MTUS2: variants seen among roughly 807,000 people sequenced by gnomAD.
MTUS2 encodes microtubule associated scaffold protein 2.
In MTUS2, 40 loss-of-function variants were observed where a neutral mutation model predicts 114.1. The observed-to-expected ratio is 0.35, with a 90% CI of 0.27 to 0.46. MTUS2 has a LOEUF of 0.46. Ranked by LOEUF, MTUS2 falls within the 20% of genes least tolerant of loss-of-function variation. MTUS2 has a pLI of 1.00. For missense variants in MTUS2, 1,679 were observed against 1,705.4 expected (o/e 0.98, Z 0.27); for synonymous variants, 688 against 672.0 (o/e 1.02, Z -0.37).
At chr13:29,359,505 A>G (rs758297837) in intron 8 of MTUS2, 32 bp downstream of exon 8, 9 of 1,586,190 alleles carry the variant, frequency 5.7e-6, no homozygotes, top group African/African-American at 2.7e-5. Flanking sequence ...GTCCAAGGGC[A>G]TTTTGGTTGG....
At chr13:29,021,402 T>C (rs1886286075) in intron 2 of MTUS2, among the ~76,000 whole-genome samples, 2 of 152,252 alleles carry the variant, frequency 1.3e-5, no homozygotes, top group South Asian at 4.1e-4. Context: ...ATGTAGTTCC[T>C]TAAAAATTAA....
chr13:28,893,194 G>A, intron 2 of MTUS2, among the ~76,000 whole-genome samples: 1 of 152,204 alleles, frequency 6.6e-6, no homozygotes, highest in Non-Finnish European at 1.5e-5. Context: ...TGATGTATCA[G>A]AGCTGTAGGC....
chr13:29,183,449 G>A (rs559139422), intron 5 of MTUS2, among the ~76,000 whole-genome samples: 1 of 152,278 alleles, frequency 6.6e-6, no homozygotes, highest in Non-Finnish European at 1.5e-5. Context: ...TTATCTATTA[G>A]ACTTCTAAAT....
At chr13:28,932,117 T>G (rs921505311) in intron 2 of MTUS2, among the ~76,000 whole-genome samples, 1 of 152,152 alleles carries the variant, frequency 6.6e-6, no homozygotes, top group East Asian at 1.9e-4. Context: ...CAACAGAGAA[T>G]CCCATATAAG....
At chr13:28,833,257 T>C (rs1188800709) in intron 1 of MTUS2, among the ~76,000 whole-genome samples, 1 of 152,060 alleles carries the variant, frequency 6.6e-6, no homozygotes, top group Non-Finnish European at 1.5e-5. Flanking sequence ...GCCAAAGACA[T>C]CACAAGAAAA....
In MTUS2 at chr13:29,025,111, T is replaced by A. The variant is rs1886456972; in HGVS notation, c.413T>A (p.Val138Glu). The A allele has an allele frequency of 3.7e-6, 6 of 1,613,718 alleles. No homozygotes were observed. The highest frequency in any genetic ancestry group is 5.1e-6 in the Non-Finnish European group (6 of 1,179,866). The change falls in exon 3 of 16, where the codon GTG becomes GAG. Residue 138 changes from valine (V) to glutamate (E), a missense_variant. Physicochemically the swap from Val to Glu is moderately radical, Grantham distance 121 (BLOSUM62 -2). This residue lies in a region of MTUS2 where 843 missense variants were observed against 770.8 expected (regional missense o/e 1.09). Coordinates refer to ENST00000612955, the MANE Select transcript of MTUS2 (RefSeq NM_001033602.4). ...CCAAGTCTGTCGAGTTGGAGGAATG[T>A]GATGAGTGAGGCCAGTCTAGACGTT... ...QGPSLSSWRNVMSEASLDVLA... is the reference protein window; with the variant it reads ...QGPSLSSWRNEMSEASLDVLA...
chr13:29,375,625 ATATATATATATATACACAC>A (rs1871646849), intron 8 of MTUS2, among the ~76,000 whole-genome samples: 1 of 8,970 alleles, frequency 1.1e-4, no homozygotes, highest in African/African-American at 1.9e-4. Context: ...ATATATATAT[ATATATATATATATACACAC>A]ACCATGAAAT....
chr13:29,344,286 A>AT (rs2138137144), intron 7 of MTUS2, among the ~76,000 whole-genome samples: 1 of 151,866 alleles, frequency 6.6e-6, no homozygotes, highest in African/African-American at 2.4e-5. Context: ...ATCTTACCTC[A>AT]TTTTTTTAGG....
chr13:29,348,874 T>C (rs1263811953), intron 7 of MTUS2, among the ~76,000 whole-genome samples: 1 of 152,196 alleles, frequency 6.6e-6, no homozygotes, highest in Admixed American at 6.5e-5. Context: ...CACTTCAGCT[T>C]TCTCTTAGTT....
At chr13:28,911,136 A>T (rs1261103635) in intron 2 of MTUS2, among the ~76,000 whole-genome samples, 2 of 149,970 alleles carry the variant, frequency 1.3e-5, no homozygotes, top group Non-Finnish European at 3.0e-5. Flanking sequence ...TGGCCTCCCA[A>T]AGTGCTGGGA....
intron 1 of MTUS2, among the ~76,000 whole-genome samples, chr13:28,831,581 A>G (rs1008060363): frequency 1.4e-4 from 22 of 152,208 alleles, no homozygotes; most frequent in Admixed American, 2.6e-4. Context: ...AAAGGGATCA[A>G]TTTCTCAGGA....
intron 4 of MTUS2, among the ~76,000 whole-genome samples, chr13:29,051,786 C>T (rs1167272821): frequency 1.3e-5 from 2 of 152,162 alleles, no homozygotes; most frequent in Non-Finnish European, 2.9e-5. Flanking sequence ...TAAGTGGAGT[C>T]ATGGAGACCA....
At chr13:28,859,761 G>T (rs1876858056) in intron 2 of MTUS2, among the ~76,000 whole-genome samples, 1 of 152,098 alleles carries the variant, frequency 6.6e-6, no homozygotes, top group Admixed American at 6.5e-5. Flanking sequence ...CAGGAGAAAG[G>T]GTAGAATATG....
At chr13:28,951,995 G>A (rs890454823) in intron 2 of MTUS2, among the ~76,000 whole-genome samples, 8 of 151,994 alleles carry the variant, frequency 5.3e-5, no homozygotes, top group Non-Finnish European at 1.0e-4. Flanking sequence ...CAGCATGCCC[G>A]CATAACCCAT....
chr13:28,957,512 T>C (rs1883127029), intron 2 of MTUS2, among the ~76,000 whole-genome samples: 2 of 152,264 alleles, frequency 1.3e-5, no homozygotes, highest in African/African-American at 4.8e-5. Flanking sequence ...TTCTTGTCAC[T>C]CTTTCTTAAA....
rs112029719 is a variant in MTUS2 at position 29,279,339 on chromosome 13, G to A, written c.2645-2365G>A. ...TTCCTGGGTTGTTCAGGCTGGAGTCGGTTCAGATTGGTTGGGAATGAAAAG... is the reference window on the plus strand; with the variant it reads ...TTCCTGGGTTGTTCAGGCTGGAGTCAGTTCAGATTGGTTGGGAATGAAAAG... On this transcript the variant is annotated intron_variant, in intron 5 of 15. Transcript: ENST00000612955. Among the ~76,000 whole-genome samples, 37 of 152,204 alleles carry A rather than the reference G, an allele frequency of 2.4e-4. No individual in the cohort carries two copies. The East Asian group carries it at 2.5e-3, about 10-fold the overall frequency.
intron 5 of MTUS2, among the ~76,000 whole-genome samples, chr13:29,200,772 A>G (rs1894921565): frequency 6.6e-6 from 1 of 152,078 alleles, no homozygotes; most frequent in Admixed American, 6.6e-5. Context: ...TGCACACTAC[A>G]GCCTCCCAAA....
intron 8 of MTUS2, among the ~76,000 whole-genome samples, chr13:29,409,409 GTTAC>G (rs759946133): frequency 3.9e-5 from 6 of 152,172 alleles, no homozygotes; most frequent in African/African-American, 1.2e-4. Context: ...GTTTTCCAAA[GTTAC>G]TTAGGTTAAT....
chr13:29,468,143 A>G (rs1195712018), intron 9 of MTUS2, among the ~76,000 whole-genome samples: 1 of 152,104 alleles, frequency 6.6e-6, no homozygotes, highest in Admixed American at 6.5e-5. Flanking sequence ...AAATCCCAAA[A>G]GAGTACATAA....
Sources: allele counts gnomAD v4.1 joint callset (sites outside exome capture counted in the v4.1 genomes callset), GRCh38; gene constraint gnomAD v4.1.1; regional missense constraint gnomAD v4.1.1; transcripts MANE v1.5; gene names NCBI Gene and HGNC (gene_info 2026-07-23, HGNC 2026-07-21).